Variants in TMEM19 observed in about 807,000 individuals in gnomAD.
TMEM19 encodes transmembrane protein 19.
Under a neutral mutation model 33.6 loss-of-function variants are expected in TMEM19, and 21 were observed. The ratio of observed to expected loss-of-function variants is 0.62; its 90% CI spans 0.44 to 0.90. The LOEUF (loss-of-function observed/expected upper bound fraction) is 0.90. Among genes scored for constraint, TMEM19 ranks in the 40% least tolerant of loss-of-function variants. The pLI is 0.00. For missense variants in TMEM19, 402 were observed against 401.8 expected (o/e 1.00, Z 0.00); for synonymous variants, 149 against 147.5 (o/e 1.01, Z -0.07).
rs924540487 is a variant in TMEM19 at position 71,686,268 on chromosome 12, C to T, written c.-413C>T. The T allele has an allele frequency of 1.7e-5, 4 of 231,270 alleles. No homozygotes were observed. Among genetic ancestry groups the T allele is most frequent in the Non-Finnish European group, 1.7e-5 (2 of 117,076 alleles). The allele number at this position is 231,270 out of a possible 1,614,324, so 14.3% of individuals were successfully genotyped here. A position where few individuals can be genotyped will look rare whatever the true frequency, so the allele number is the denominator to read the frequency against. Reference sequence around the variant, plus strand: ...CCCAAGTTCGGGTGCCCTAGCTGCCCCTTTGCAGCCGCTGGCCTACCCGGC... The same window carrying T: ...CCCAAGTTCGGGTGCCCTAGCTGCCTCTTTGCAGCCGCTGGCCTACCCGGC... On this transcript the variant is annotated 5_prime_UTR_variant, in exon 1 of 6. Transcript: ENST00000266673.
intron 4 of TMEM19, among the ~76,000 whole-genome samples, chr12:71,697,867 TC>T (rs758988600): frequency 6.6e-6 from 1 of 152,178 alleles, no homozygotes; most frequent in Non-Finnish European, 1.5e-5. Flanking sequence ...TTAAGATATA[TC>T]TCAATTCTCC....
At chr12:71,699,874 G>C (rs1413148097) in intron 5 of TMEM19, 1 of 152,310 alleles carries the variant, frequency 6.6e-6, no homozygotes, top group Non-Finnish European at 1.5e-5. Flanking sequence ...AAGATATATG[G>C]TAGAGTGGTA....
At chr12:71,699,209 G>A (rs767138381) in intron 5 of TMEM19, 100 bp downstream of exon 5, 15 of 1,260,460 alleles carry the variant, frequency 1.2e-5, no homozygotes. Flanking sequence ...CAAAGACACA[G>A]GGTGTTGAGG....
At chr12:71,692,108 A>G (rs1393637250) in intron 2 of TMEM19, among the ~76,000 whole-genome samples, 5 of 152,242 alleles carry the variant, frequency 3.3e-5, no homozygotes, top group Non-Finnish European at 7.3e-5. Flanking sequence ...AATCTCAAAC[A>G]AGATATTATA....
intron 1 of TMEM19, among the ~76,000 whole-genome samples, chr12:71,688,181 C>A (rs1881725061): frequency 6.6e-6 from 1 of 152,198 alleles, no homozygotes; most frequent in African/African-American, 2.4e-5. Flanking sequence ...GTTTTCATTT[C>A]CAGAAATAGG....
chr12:71,691,593 A>C, intron 2 of TMEM19, among the ~76,000 whole-genome samples: 1 of 121,678 alleles, frequency 8.2e-6, no homozygotes, highest in African/African-American at 3.1e-5. Flanking sequence ...GCATAATGAG[A>C]CTTCACCTCT....
intron 2 of TMEM19, among the ~76,000 whole-genome samples, chr12:71,693,737 G>A (rs1237624356): frequency 6.6e-6 from 1 of 152,100 alleles, no homozygotes; most frequent in African/African-American, 2.4e-5. Flanking sequence ...GAGGGACCTG[G>A]TAGGAGGTAA....
chr12:71,696,368 C>A, intron 2 of TMEM19, 68 bp from the exon 3 acceptor site: 2 of 1,287,738 alleles, frequency 1.6e-6, no homozygotes, highest in Admixed American at 2.6e-5. Context: ...TGGAAAAAAT[C>A]CATTCTTTTT....
Position 71,703,881 on chromosome 12 carries a change from CT to C in TMEM19, c.*2901del, listed in dbSNP as rs58258956. ...GAGGATAAGAAATTGTGTCTCTGTC[CT>C]TTTTTTTTTTTTTTGTTAAGTCTTA... On this transcript the variant is annotated 3_prime_UTR_variant, in exon 6 of 6. Coordinates refer to ENST00000266673, the MANE Select transcript of TMEM19 (RefSeq NM_018279.4). 3,048 of 204,734 alleles carry C rather than the reference CT, an allele frequency of 0.015. 2 individuals carry two copies. Among genetic ancestry groups the C allele is most frequent in the South Asian group, 0.025 (498 of 19,692 alleles). 12.7% of individuals were successfully genotyped at this position (204,734 alleles called of 1,614,324 possible).
chr12:71,694,368 G>C (rs1881835651), intron 2 of TMEM19, among the ~76,000 whole-genome samples: 1 of 152,222 alleles, frequency 6.6e-6, no homozygotes, highest in Non-Finnish European at 1.5e-5. Flanking sequence ...AGGGTGGCCT[G>C]ACCTCTTTTT....
intron 2 of TMEM19, among the ~76,000 whole-genome samples, chr12:71,693,635 C>T (rs997997474): frequency 7.9e-5 from 12 of 152,204 alleles, no homozygotes; most frequent in South Asian, 2.1e-4. Flanking sequence ...TGTTTTCCTT[C>T]CACTACTGCT....
intron 2 of TMEM19, among the ~76,000 whole-genome samples, chr12:71,696,035 G>A (rs1051803841): frequency 2.0e-5 from 3 of 152,090 alleles, no homozygotes; most frequent in African/African-American, 7.2e-5. Context: ...AGAAAAAGAA[G>A]GCCAGGTGCT....
Position 71,700,983 on chromosome 12 carries a change from G to A in TMEM19, c.999G>A (p.Trp333Ter). The A allele has an allele frequency of 6.2e-7, 1 of 1,608,634 alleles. No homozygotes were observed. The highest frequency in any genetic ancestry group is 8.5e-7 in the Non-Finnish European group (1 of 1,177,756). Residue 333 changes from tryptophan (W) to a stop codon, truncating the protein, a stop_gained, in exon 6 of 6, where the codon TGG (tryptophan) becomes TGA (stop). Coordinates refer to ENST00000266673, the MANE Select transcript of TMEM19 (RefSeq NM_018279.4). LOFTEE classifies it high-confidence loss of function. ...LLLPTAAWGF[W>*]PRG The stretch of plus-strand genomic sequence containing the variant: ...TCCCAACTGCTGCTTGGGGTTTTTG[G>A]CCCAGGGGGTGAACTTTATTTCATT...
Position 71,697,503 on chromosome 12 carries a change from A to C in TMEM19, c.606A>C (p.Arg202Ser). 6 of 1,582,808 alleles carry C rather than the reference A, an allele frequency of 3.8e-6. No individual in the cohort carries two copies. In the South Asian group the frequency reaches 7.2e-5, roughly 19 times the overall value. ...CAGTTCTGAGTAAAAGTTCTCCAAGACTGATAACAACCTGGGAGAAAGTTC... is the reference window on the plus strand; with the variant it reads ...CAGTTCTGAGTAAAAGTTCTCCAAGCCTGATAACAACCTGGGAGAAAGTTC... ...VGPVLSKSSP[R>S]LITTWEKVPV... Residue 202 changes from arginine to serine, a missense_variant, in exon 4 of 6, where the codon AGA becomes AGC. Arg to Ser is a moderately radical substitution (Grantham distance 110). Transcript: ENST00000266673.
At chr12:71,700,199 T>C (rs1057254988) in intron 5 of TMEM19, among the ~76,000 whole-genome samples, 4 of 152,194 alleles carry the variant, frequency 2.6e-5, no homozygotes, top group African/African-American at 7.2e-5. Flanking sequence ...CACTAAAGGG[T>C]CAATAACTCT....
rs576004706 is a variant in TMEM19 at position 71,702,278 on chromosome 12, T to A, written c.*1283T>A. The A allele has an allele frequency of 1.3e-5, 2 of 152,204 alleles. No individual in the cohort carries two copies. Among genetic ancestry groups the A allele is most frequent in the Non-Finnish European group, 2.9e-5 (2 of 68,040 alleles). The allele number at this position is 152,204 out of a possible 1,614,324, so 9.4% of individuals were successfully genotyped here. A position where few individuals can be genotyped will look rare whatever the true frequency, so the allele number is the denominator to read the frequency against. On this transcript the variant is annotated 3_prime_UTR_variant, in exon 6 of 6. Coordinates refer to ENST00000266673, the MANE Select transcript of TMEM19 (RefSeq NM_018279.4). ...GGGGGTTGCAACAATTGGGTTAAAC[T>A]TTGGGTATACATTGGAAGCACCAGG...
rs769671010 is a variant in TMEM19 at position 71,686,819 on chromosome 12, G to T, written c.130+9G>T. On this transcript the variant is annotated intron_variant, in intron 1 of 5. Coordinates refer to ENST00000266673, the MANE Select transcript of TMEM19 (RefSeq NM_018279.4). ...TGCAAGCACCTATTATGGTAAGTCT[G>T]AGTGTTCTAAGTTGTTTCTCTGTAA... 11 of 1,597,866 alleles carry T rather than the reference G, an allele frequency of 6.9e-6. No individual in the cohort carries two copies. Among genetic ancestry groups the T allele is most frequent in the African/African-American group, 1.3e-5 (1 of 74,250 alleles).
intron 1 of TMEM19, among the ~76,000 whole-genome samples, chr12:71,688,925 A>G (rs992315628): frequency 3.3e-5 from 5 of 152,168 alleles, no homozygotes; most frequent in African/African-American, 1.2e-4. Context: ...CTGTTACAAA[A>G]AGAGTTCGTT....
chr12:71,700,776 A>G, intron 5 of TMEM19, 56 bp from the exon 6 acceptor site: 1 of 1,445,156 alleles, frequency 6.9e-7, no homozygotes, highest in Non-Finnish European at 9.2e-7. Flanking sequence ...GAAAGAAAAG[A>G]AAAAAAATGA....
Sources: gnomAD v4.1 joint callset for allele counts (sites outside exome capture counted in the v4.1 genomes callset) on GRCh38, gnomAD v4.1.1 for gene constraint, MANE v1.5 for transcripts, NCBI Gene and HGNC (gene_info 2026-07-23, HGNC 2026-07-21) for gene names.